Variants in GSG1L observed in about 807,000 individuals in gnomAD.
GSG1L encodes GSG1 like.
Under a neutral mutation model 42.1 loss-of-function variants are expected in GSG1L, and 24 were observed. The ratio of observed to expected loss-of-function variants is 0.57; its 90% CI spans 0.41 to 0.80. The LOEUF (loss-of-function observed/expected upper bound fraction) is 0.80, where lower values mean the gene tolerates loss of function less well. GSG1L is among the 30% of genes least tolerant of loss of function. GSG1L has a pLI of 0.00. For missense variants in GSG1L, 445 were observed against 472.2 expected, an observed-to-expected ratio of 0.94 and a Z score of 0.53; for synonymous variants, 215 against 203.5, an observed-to-expected ratio of 1.06 and a Z score of -0.48.
chr16:28,063,374 C>A lies in GSG1L; in HGVS notation c.51G>T (p.Leu17=). The change falls in exon 1 of 7, where the codon CTG becomes CTT. Residue 17 remains leucine, a synonymous_variant. Transcript: ENST00000447459. This position sits in a 1 kb window ranked among gnomAD's most constrained non-coding sequence, Gnocchi z 5.8. ...CGGTGGTGGCGAACAGCAGCGCCAGCAGGTTCAGGGCCACGGCCAGGAGCG... is the reference window on the plus strand; with the variant it reads ...CGGTGGTGGCGAACAGCAGCGCCAGAAGGTTCAGGGCCACGGCCAGGAGCG... ...GRALLAVALN[L]LALLFATTAF... is the part of the protein sequence containing the mutation. 7.1e-7 allele frequency: 1 copy of A among 1,398,848 alleles called. No homozygotes were observed. Among genetic ancestry groups the A allele is most frequent in the South Asian group, 1.3e-5 (1 of 74,904 alleles). The allele number at this position is 1,398,848 out of a possible 1,614,324, so 86.7% of individuals were successfully genotyped here.
chr16:28,052,727 A>T (rs2086233889), intron 1 of GSG1L, among the ~76,000 whole-genome samples: 1 of 152,198 alleles, frequency 6.6e-6, no homozygotes, highest in African/African-American at 2.4e-5. Flanking sequence ...ACATCTGCAG[A>T]TTGCTGCAGA....
chr16:27,915,136 T>C (rs74015142), intron 2 of GSG1L, among the ~76,000 whole-genome samples: 2,436 of 151,226 alleles, frequency 0.016, 61 homozygotes, highest in African/African-American at 0.056. Flanking sequence ...CCCAGGCTGA[T>C]GGATGGGGCA....
chr16:28,039,815 C>T (rs756923852), intron 1 of GSG1L, among the ~76,000 whole-genome samples: 2 of 152,116 alleles, frequency 1.3e-5, no homozygotes, highest in African/African-American at 2.4e-5. Flanking sequence ...CACATGCACA[C>T]GCACACATAT....
chr16:27,911,266 G>GCTCTCTCTCTCTCTCTCTCTCT (rs71648556), intron 2 of GSG1L, among the ~76,000 whole-genome samples: 2 of 122,058 alleles, frequency 1.6e-5, no homozygotes, highest in African/African-American at 7.0e-5. Context: ...CCTCTCTCTC[G>GCTCTCTCTCTCTCTCTCTCTCT]CTCTCTCTCT....
intron 1 of GSG1L, among the ~76,000 whole-genome samples, chr16:28,007,006 G>A (rs2085648022): frequency 6.6e-6 from 1 of 152,128 alleles, no homozygotes; most frequent in African/African-American, 2.4e-5. Flanking sequence ...CCCCCAGGGA[G>A]ATAAGGGAGC....
chr16:27,976,875 G>A (rs1475756638), intron 1 of GSG1L, among the ~76,000 whole-genome samples: 11 of 152,000 alleles, frequency 7.2e-5, no homozygotes, highest in Admixed American at 6.6e-5. Flanking sequence ...CCAACCACTC[G>A]CTCCATCCAG....
In GSG1L at chr16:27,838,973, G is replaced by GCA. The variant is rs2083349865; in HGVS notation, c.662+5975_662+5976dup. Among the ~76,000 whole-genome samples the GCA allele has an allele frequency of 2.0e-5, 3 of 152,302 alleles. No homozygotes were observed. In the South Asian group the frequency reaches 6.2e-4, roughly 32 times the overall value. On this transcript the variant is annotated intron_variant, in intron 4 of 6. Transcript: ENST00000447459. ...ACACAGCCTCTCAGCAGAGACATCA[G>GCA]CACACACACCCTCTCCAGTTGTCTT... is the stretch of plus-strand genomic sequence containing the variant.
In GSG1L at chr16:28,056,903, G is replaced by A. The variant is rs189052471; in HGVS notation, c.349+6173C>T. ...GGGGAGTGCCGGCGGGCAGCAAGGCGGCTAATTTCAGTGGGGTGGTCCAGG... is the reference window on the plus strand; with the variant it reads ...GGGGAGTGCCGGCGGGCAGCAAGGCAGCTAATTTCAGTGGGGTGGTCCAGG... On this transcript the variant is annotated intron_variant, in intron 1 of 6. Transcript: ENST00000447459. Among the ~76,000 whole-genome samples the A allele has an allele frequency of 4.6e-5, 7 of 152,232 alleles. No homozygotes were observed. The East Asian group carries it at 7.8e-4, about 17-fold the overall frequency.
At chr16:27,975,958 G>T (rs896241403) in intron 1 of GSG1L, among the ~76,000 whole-genome samples, 1 of 152,180 alleles carries the variant, frequency 6.6e-6, no homozygotes, top group African/African-American at 2.4e-5. Flanking sequence ...TCCAAAAAAT[G>T]ATGTTTCCTG....
chr16:27,978,866 T>C (rs1191773623), intron 1 of GSG1L, among the ~76,000 whole-genome samples: 1 of 152,054 alleles, frequency 6.6e-6, no homozygotes, highest in African/African-American at 2.4e-5. Flanking sequence ...GAAGGCTAAA[T>C]AAGGTCATTG....
intron 2 of GSG1L, among the ~76,000 whole-genome samples, chr16:27,922,417 A>G (rs1002306219): frequency 6.6e-6 from 1 of 152,208 alleles, no homozygotes; most frequent in Non-Finnish European, 1.5e-5. Flanking sequence ...TACATTTTAT[A>G]TACTTTCTAT....
At chr16:27,794,027 T>C (rs1374009724) in intron 6 of GSG1L, among the ~76,000 whole-genome samples, 3 of 149,392 alleles carry the variant, frequency 2.0e-5, no homozygotes, top group Non-Finnish European at 4.5e-5. Context: ...GTTTGTTTGT[T>C]TGTTTGAGAT....
rs2086369372 is a variant in GSG1L at position 28,063,409 on chromosome 16, G to A, written c.16C>T (p.Arg6Cys). The A allele has an allele frequency of 1.5e-6, 2 of 1,316,902 alleles. No individual in the cohort carries two copies. The highest frequency in any genetic ancestry group is 3.1e-5 in the African/African-American group (2 of 64,376). 81.6% of individuals were successfully genotyped at this position (1,316,902 alleles called of 1,614,324 possible). A position where few individuals can be genotyped will look rare whatever the true frequency, so the allele number is the denominator to read the frequency against. MKTSR[R>C]GRALLAVALN... Reference sequence around the variant, plus strand: ...GCCACGGCCAGGAGCGCTCGGCCGCGGCGGCTAGTCTTCATGCCGCCCGCG... The same window carrying A: ...GCCACGGCCAGGAGCGCTCGGCCGCAGCGGCTAGTCTTCATGCCGCCCGCG... Residue 6 changes from arginine (R) to cysteine (C), a missense_variant, in exon 1 of 7, where the codon CGC becomes TGC. By Grantham distance (180) the Arg-to-Cys change is radical. Transcript: ENST00000447459. This position sits in a 1 kb window ranked among gnomAD's most constrained non-coding sequence, Gnocchi z 5.8.
intron 4 of GSG1L, among the ~76,000 whole-genome samples, chr16:27,830,804 T>A (rs1464736099): frequency 1.3e-5 from 2 of 152,232 alleles, no homozygotes; most frequent in Non-Finnish European, 2.9e-5. Context: ...ACTAGCATGA[T>A]GGAAACTCAG....
chr16:28,050,660 G>A (rs47666), intron 1 of GSG1L, among the ~76,000 whole-genome samples: 27,729 of 152,178 alleles, frequency 0.18, 3,161 homozygotes, highest in South Asian at 0.44. Flanking sequence ...CTCCATCACC[G>A]TTAGAGAAAA....
chr16:27,865,076 G>A (rs2083697915), intron 3 of GSG1L, among the ~76,000 whole-genome samples: 1 of 152,104 alleles, frequency 6.6e-6, no homozygotes, highest in Admixed American at 6.6e-5. Context: ...TGGTGCCTGA[G>A]ACCAAGATGG....
intron 1 of GSG1L, among the ~76,000 whole-genome samples, chr16:28,052,699 G>A (rs2086233505): frequency 6.6e-6 from 1 of 152,180 alleles, no homozygotes; most frequent in African/African-American, 2.4e-5. Context: ...AGTCAACTAG[G>A]GTTGTCTGCA....
intron 3 of GSG1L, among the ~76,000 whole-genome samples, chr16:27,857,105 G>A (rs2083588750): frequency 1.3e-5 from 2 of 152,172 alleles, no homozygotes; most frequent in African/African-American, 4.8e-5. Flanking sequence ...GACGCACCCT[G>A]TTTGAGGCAA....
chr16:27,938,385 T>TTAAA (rs765594754), intron 2 of GSG1L, among the ~76,000 whole-genome samples: 1 of 141,200 alleles, frequency 7.1e-6, no homozygotes, highest in Non-Finnish European at 1.5e-5. Context: ...GAGACTCCAT[T>TTAAA]AAAAAAAAAA....
Sources: gnomAD v4.1 joint callset for allele counts (sites outside exome capture counted in the v4.1 genomes callset) on GRCh38, gnomAD v4.1.1 for gene constraint, Gnocchi (gnomAD v3.1) non-coding constraint, MANE v1.5 for transcripts, NCBI Gene and HGNC (gene_info 2026-07-23, HGNC 2026-07-21) for gene names.